Variants in MDFIC observed in about 807,000 individuals in gnomAD.
The protein encoded by MDFIC is MyoD family inhibitor domain containing.
In MDFIC, 17 loss-of-function variants were observed where a neutral mutation model predicts 23.2. The observed-to-expected ratio is 0.73, with a 90% CI of 0.50 to 1.10. The LOEUF is 1.10. Ranked by LOEUF, MDFIC falls within the 50% of genes least tolerant of loss-of-function variation. The probability of loss-of-function intolerance (pLI) is 0.00; values close to 1 mark genes in which losing one functional copy is unlikely to be tolerated. For missense variants in MDFIC, 356 were observed against 316.6 expected (o/e 1.12, Z -0.95); for synonymous variants, 120 against 115.2 (o/e 1.04, Z -0.27).
At chr7:114,965,992 G>T (rs941458141) in intron 3 of MDFIC, among the ~76,000 whole-genome samples, 1 of 152,084 alleles carries the variant, frequency 6.6e-6, no homozygotes, top group African/African-American at 2.4e-5. Flanking sequence ...TATATGTACA[G>T]TATGCCAAAA....
At chr7:114,936,142 T>A (rs1792419643) in intron 2 of MDFIC, among the ~76,000 whole-genome samples, 1 of 152,154 alleles carries the variant, frequency 6.6e-6, no homozygotes, top group African/African-American at 2.4e-5. Context: ...TCATTAGTGG[T>A]GGACCCAGGC....
chr7:114,960,475 T>C (rs906605953), intron 3 of MDFIC, among the ~76,000 whole-genome samples: 1 of 152,102 alleles, frequency 6.6e-6, no homozygotes. Context: ...CTTTTTTTAA[T>C]ATAGTCTTAA....
chr7:114,944,534 A>T (rs1792608076), intron 3 of MDFIC, among the ~76,000 whole-genome samples: 1 of 152,136 alleles, frequency 6.6e-6, no homozygotes, highest in Admixed American at 6.5e-5. Flanking sequence ...AAACTGACTC[A>T]ATTCTGGATA....
At position 114,942,450 on chromosome 7, in the gene MDFIC, T is replaced by C. The variant is rs1792563171; in HGVS notation, c.217+53T>C. ...TGATTTTGGGATATGACTATGGTAA[T>C]ATATTCTTCGTTAATTGCCCCAGAT... On this transcript the variant is annotated intron_variant, in intron 3 of 4. Coordinates refer to ENST00000393486, the MANE Select transcript of MDFIC (RefSeq NM_001166345.3). 9 of 1,374,056 alleles carry C rather than the reference T, an allele frequency of 6.5e-6. No individual in the cohort carries two copies. In the East Asian group the frequency reaches 1.5e-4, roughly 23 times the overall value. 85.1% of individuals were successfully genotyped at this position (1,374,056 alleles called of 1,614,324 possible).
intron 4 of MDFIC, chr7:115,014,540 G>C: frequency 3.1e-6 from 4 of 1,286,348 alleles, no homozygotes; most frequent in Non-Finnish European, 3.0e-6. Context: ...AATGGTAAGA[G>C]GGTGGGGTTG....
At chr7:114,965,526 G>A (rs1419216778) in intron 3 of MDFIC, among the ~76,000 whole-genome samples, 10 of 152,190 alleles carry the variant, frequency 6.6e-5, no homozygotes, top group Admixed American at 1.3e-4. Flanking sequence ...TTAAACTGAT[G>A]TTGACCAGGT....
chr7:114,922,929 GCAGT>G lies in MDFIC; in HGVS notation c.-100_-97del, dbSNP rs1404765282. 6.3e-7 allele frequency: 1 copy of G among 1,591,226 alleles called. No individual in the cohort carries two copies. Among genetic ancestry groups the G allele is most frequent in the South Asian group, 1.1e-5 (1 of 88,980 alleles). On this transcript the variant is annotated 5_prime_UTR_variant, in exon 2 of 5. An upstream open reading frame in the 5' UTR loses its in-frame stop. Transcript: ENST00000393486. ...AATTTTGTATATTTTTCCGCCAGAA[GCAGT>G]CAGTTCCCTGCACCCAGCACCTCAC...
chr7:114,993,304 T>C (rs1418419487), intron 4 of MDFIC, among the ~76,000 whole-genome samples: 1 of 152,188 alleles, frequency 6.6e-6, no homozygotes, highest in Non-Finnish European at 1.5e-5. Context: ...AAAAACCAGC[T>C]CCTGGATTCA....
chr7:114,974,920 GTT>G (rs576282192), intron 3 of MDFIC, among the ~76,000 whole-genome samples: 1 of 143,570 alleles, frequency 7.0e-6, no homozygotes, highest in African/African-American at 2.5e-5. Flanking sequence ...TGTCAGCAAT[GTT>G]TTTTTTTTTT....
chr7:114,970,445 C>T (rs544484675), intron 3 of MDFIC, among the ~76,000 whole-genome samples: 255 of 152,182 alleles, frequency 1.7e-3, no homozygotes, highest in South Asian at 3.9e-3. Flanking sequence ...TCACTGGCTC[C>T]AAATTTGTGT....
At chr7:114,981,699 GTAAGAC>G (rs1275367203) in intron 4 of MDFIC, among the ~76,000 whole-genome samples, 1 of 152,144 alleles carries the variant, frequency 6.6e-6, no homozygotes, top group African/African-American at 2.4e-5. Context: ...TATCTTCATT[GTAAGAC>G]TATAGAATTT....
At chr7:114,949,776 G>A (rs1433172847) in intron 3 of MDFIC, among the ~76,000 whole-genome samples, 2 of 60,654 alleles carry the variant, frequency 3.3e-5, no homozygotes, top group East Asian at 7.1e-4. Context: ...GTTCTCATGG[G>A]ATAACACAAA....
chr7:114,954,442 G>C (rs927613523), intron 3 of MDFIC, among the ~76,000 whole-genome samples: 2 of 152,228 alleles, frequency 1.3e-5, no homozygotes, highest in African/African-American at 2.4e-5. Flanking sequence ...ACATCGGTCG[G>C]TCTTCTCACT....
chr7:115,010,393 T>A (rs897526010), intron 4 of MDFIC, among the ~76,000 whole-genome samples: 1 of 151,988 alleles, frequency 6.6e-6, no homozygotes, highest in Non-Finnish European at 1.5e-5. Context: ...AAAAAAAAAA[T>A]TCATTTTTGA....
Position 114,956,716 on chromosome 7 carries a change from A to C in MDFIC, c.217+14319A>C, listed in dbSNP as rs534391482. Among the ~76,000 whole-genome samples, 48 of 152,280 alleles carry C rather than the reference A, an allele frequency of 3.2e-4. 1 individual carries two copies. The South Asian group carries it at 8.5e-3, about 27-fold the overall frequency. On this transcript the variant is annotated intron_variant, in intron 3 of 4. Coordinates refer to ENST00000393486, the MANE Select transcript of MDFIC (RefSeq NM_001166345.3). ...CCCACCCCAGACCAATGAATTTAGA[A>C]TCATTAGGGGTAGGGCTTGGGCATT...
chr7:115,012,281 A>G (rs1791697608), intron 4 of MDFIC, among the ~76,000 whole-genome samples: 1 of 152,228 alleles, frequency 6.6e-6, no homozygotes, highest in African/African-American at 2.4e-5. Context: ...CATGCTGAAC[A>G]CTCATTTCAA....
intron 3 of MDFIC, among the ~76,000 whole-genome samples, chr7:114,949,255 G>A (rs1268177226): frequency 6.6e-6 from 1 of 152,140 alleles, no homozygotes; most frequent in Non-Finnish European, 1.5e-5. Context: ...GGGGAAATGA[G>A]ATGGCATTAA....
chr7:114,933,014 C>T (rs1792347884), intron 2 of MDFIC, among the ~76,000 whole-genome samples: 1 of 152,132 alleles, frequency 6.6e-6, no homozygotes, highest in South Asian at 2.1e-4. Flanking sequence ...TTAAACAACC[C>T]CCTTTGATTC....
At chr7:114,990,084 G>T (rs548196979) in intron 4 of MDFIC, among the ~76,000 whole-genome samples, 4 of 152,232 alleles carry the variant, frequency 2.6e-5, no homozygotes, top group Admixed American at 6.5e-5. Context: ...AGACAAATGG[G>T]AAACAGTAGG....
Sources: allele counts gnomAD v4.1 joint callset (sites outside exome capture counted in the v4.1 genomes callset), GRCh38; gene constraint gnomAD v4.1.1; transcripts MANE v1.5; gene names NCBI Gene and HGNC (gene_info 2026-07-23, HGNC 2026-07-21).